The following GPATCH3 variants were observed in gnomAD, a reference collection of about 807,000 sequenced individuals.
The protein encoded by GPATCH3 is G-patch domain containing 3, also known as G patch domain-containing protein 3.
A neutral mutation model predicts 53.2 loss-of-function variants in GPATCH3; 45 were observed. The ratio of observed to expected loss-of-function variants is 0.85; its 90% confidence interval spans 0.67 to 1.08. The LOEUF is 1.08. GPATCH3 is among the 50% of genes least tolerant of loss of function. GPATCH3 has a pLI of 0.00. For missense variants in GPATCH3, 680 were observed against 687.2 expected, an observed-to-expected ratio of 0.99 and a Z score of 0.12; for synonymous variants, 280 against 270.6, an observed-to-expected ratio of 1.03 and a Z score of -0.34.
In GPATCH3 at chr1:26,900,347, A is replaced by G. The variant is rs775423394; in HGVS notation, c.96T>C (p.Tyr32=). Residue 32 remains tyrosine (Y), a synonymous_variant, in exon 1 of 7, where the codon TAT becomes TAC. Transcript: ENST00000361720. ...SVLRSAHLRS[Y]FSQFREERGG... Reference sequence around the variant, plus strand: ...CGCGCTCTTCTCGGAACTGGCTAAAATAGCTCCGTAAATGGGCCGAGCGCA... The same window carrying G: ...CGCGCTCTTCTCGGAACTGGCTAAAGTAGCTCCGTAAATGGGCCGAGCGCA... 1.5e-5 allele frequency: 24 copies of G among 1,613,956 alleles called. No individual in the cohort carries two copies. The Admixed American group carries it at 2.0e-4, about 13-fold the overall frequency.
Position 26,897,498 on chromosome 1 carries a change from C to T in GPATCH3, c.679G>A (p.Gly227Ser). The T allele has an allele frequency of 6.2e-7, 1 of 1,614,222 alleles. No individual in the cohort carries two copies. Among genetic ancestry groups the T allele is most frequent in the Non-Finnish European group, 8.5e-7 (1 of 1,180,048 alleles). Residue 227 changes from glycine (G) to serine (S), a missense_variant, in exon 2 of 7, where the codon GGT (glycine) becomes AGT (serine). Coordinates refer to ENST00000361720, the MANE Select transcript of GPATCH3 (RefSeq NM_022078.3). ...ACATTGCCGTAGCGCCGGGAGGAAC[C>T]TGTCTTGGGGAACTGGAGCTGCAGC... is the stretch of plus-strand genomic sequence containing the variant. ...TQLQLQFPKT[G>S]SSRRYGNVPF...
chr1:26,892,747 C>G lies in GPATCH3; in HGVS notation c.1156G>C (p.Glu386Gln), dbSNP rs1260155365. The part of the protein sequence containing the change: ...DARDSVQMRL[E>Q]QRLRDGQEDG... ...TCCTGTCCATCTCGGAGTCTCTGTT[C>G]CAGACGCATTTGGACAGAGTCTCGG... Residue 386 changes from glutamate to glutamine, a missense_variant, in exon 5 of 7, where the codon GAA becomes CAA. Transcript: ENST00000361720. 6.2e-7 allele frequency: 1 copy of G among 1,614,070 alleles called. No homozygotes were observed. The highest frequency in any genetic ancestry group is 8.5e-7 in the Non-Finnish European group (1 of 1,180,040).
chr1:26,899,988 T>G lies in GPATCH3; in HGVS notation c.451+4A>C, dbSNP rs776768955. On this transcript the variant is annotated splice_donor_region_variant and intron_variant, in intron 1 of 6. Transcript: ENST00000361720. ...GCCCAGTCTATTAACTTTCTCACTC[T>G]TACCTGATGCCTCCGTAGGTAGCCG... is the stretch of plus-strand genomic sequence containing the variant. The G allele has an allele frequency of 1.9e-6, 3 of 1,613,824 alleles. No individual in the cohort carries two copies. The highest frequency in any genetic ancestry group is 2.7e-5 in the African/African-American group (2 of 74,938).
intron 2 of GPATCH3, among the ~76,000 whole-genome samples, chr1:26,894,931 C>T (rs1260522567): frequency 6.6e-6 from 1 of 152,124 alleles, no homozygotes; most frequent in African/African-American, 2.4e-5. Context: ...GAGATAAGTA[C>T]CATTATTCCC....
chr1:26,899,333 G>T (rs1171216066), intron 1 of GPATCH3, among the ~76,000 whole-genome samples: 1 of 151,560 alleles, frequency 6.6e-6, no homozygotes, highest in Non-Finnish European at 1.5e-5. Context: ...ACTGTTGAGA[G>T]GGGTAAGAAA....
Position 26,891,250 on chromosome 1 carries a change from G to A in GPATCH3, c.1362-24C>T, listed in dbSNP as rs536569390. 3.3e-4 allele frequency: 527 copies of A among 1,581,244 alleles called. 8 individuals are homozygous for A. In the South Asian group the frequency reaches 5.4e-3, roughly 16 times the overall value. On this transcript the variant is annotated intron_variant, in intron 6 of 6. Coordinates refer to ENST00000361720, the MANE Select transcript of GPATCH3 (RefSeq NM_022078.3). Reference sequence around the variant, plus strand: ...ACCTGGATAAAAACGGGCTCTCAGTGAGAAGGCTGCTCTCAAACTCCAGTT... The same window carrying A: ...ACCTGGATAAAAACGGGCTCTCAGTAAGAAGGCTGCTCTCAAACTCCAGTT...
chr1:26,891,002 C>G lies in GPATCH3; in HGVS notation c.*8G>C. ...TCATGTAGCTATGAAAGGAAGCCCC[C>G]AACCCGGTCAGTCAGGCAATGAGGG... On this transcript the variant is annotated 3_prime_UTR_variant, in exon 7 of 7. Coordinates refer to ENST00000361720, the MANE Select transcript of GPATCH3 (RefSeq NM_022078.3). The G allele has an allele frequency of 6.2e-7, 1 of 1,612,938 alleles. No individual in the cohort carries two copies. Among genetic ancestry groups the G allele is most frequent in the South Asian group, 1.1e-5 (1 of 91,032 alleles).
chr1:26,892,336 A>G, intron 6 of GPATCH3, 75 bp downstream of exon 6: 1 of 1,558,012 alleles, frequency 6.4e-7, no homozygotes, highest in Admixed American at 1.7e-5. Flanking sequence ...GCCATGCCAA[A>G]ACCAGTGGGA....
rs547127931 is a variant in GPATCH3, at chr1:26,891,133, T to C, written c.1455A>G (p.Leu485=). 17 of 1,614,006 alleles carry C rather than the reference T, an allele frequency of 1.1e-5. No homozygotes were observed. Among genetic ancestry groups the C allele is most frequent in the Non-Finnish European group, 1.4e-5 (17 of 1,180,010 alleles). Residue 485 remains leucine (L), a synonymous_variant, in exon 7 of 7, where the codon CTA becomes CTG. Transcript: ENST00000361720. ...GCAGTGACTCCGTCTGGTCTTGGGG[T>C]AGAGGCTCATCATAGATGGTGGAGA... is the stretch of plus-strand genomic sequence containing the variant. ...GLISTIYDEP[L]PQDQTESLLR... is the part of the protein sequence containing the mutation.
At chr1:26,892,107 T>A (rs1298697471) in intron 6 of GPATCH3, among the ~76,000 whole-genome samples, 3 of 151,884 alleles carry the variant, frequency 2.0e-5, no homozygotes. Flanking sequence ...CCTCCCAAAG[T>A]GTTGGGATTA....
chr1:26,893,317 G>T, intron 4 of GPATCH3, 72 bp downstream of exon 4: 2 of 1,193,702 alleles, frequency 1.7e-6, no homozygotes, highest in Non-Finnish European at 2.5e-6. Context: ...GCCTTTGCTA[G>T]CTCTGGTAAA....
intron 2 of GPATCH3, among the ~76,000 whole-genome samples, 187 bp downstream of exon 2, chr1:26,897,113 AC>A (rs1287340484): frequency 1.3e-5 from 2 of 152,200 alleles, no homozygotes; most frequent in African/African-American, 4.8e-5. Context: ...AAAGCTCTGG[AC>A]CATCTCCCTA....
At chr1:26,891,971 T>C (rs1421048428) in intron 6 of GPATCH3, among the ~76,000 whole-genome samples, 1 of 151,690 alleles carries the variant, frequency 6.6e-6, no homozygotes. Flanking sequence ...CCTCCCAAAG[T>C]GCTAGGATTA....
At position 26,890,963 on chromosome 1, in the gene GPATCH3, G is replaced by A. The variant is rs754960489; in HGVS notation, c.*47C>T. 1.3e-6 allele frequency: 2 copies of A among 1,534,730 alleles called. No individual in the cohort carries two copies. The highest frequency in any genetic ancestry group is 1.1e-5 in the South Asian group (1 of 89,352). ...TGCTTCAGTGGTAGATGAGGCCAGG[G>A]CAGAGGGTTTTCATCATGTAGCTAT... On this transcript the variant is annotated 3_prime_UTR_variant, in exon 7 of 7. Transcript: ENST00000361720.
chr1:26,891,509 T>A (rs1376333966), intron 6 of GPATCH3, among the ~76,000 whole-genome samples: 1 of 151,204 alleles, frequency 6.6e-6, no homozygotes, highest in African/African-American at 2.4e-5. Flanking sequence ...GCCTTAGGGC[T>A]TACTCTTTAA....
chr1:26,891,594 T>C (rs974006290), intron 6 of GPATCH3, among the ~76,000 whole-genome samples: 4 of 152,134 alleles, frequency 2.6e-5, no homozygotes, highest in African/African-American at 9.7e-5. Context: ...TCACCCAGGC[T>C]GGATTGTAAT....
At chr1:26,893,010 C>A in intron 4 of GPATCH3, 1 of 592,286 alleles carries the variant, frequency 1.7e-6, no homozygotes, top group East Asian at 2.9e-5. Context: ...CAACAAATGA[C>A]AGAGAGAGGA....
At chr1:26,896,570 C>T (rs1313111128) in intron 2 of GPATCH3, among the ~76,000 whole-genome samples, 1 of 148,742 alleles carries the variant, frequency 6.7e-6, no homozygotes, top group Non-Finnish European at 1.5e-5. Context: ...CGTGGTGGCA[C>T]ATGCCTGAAG....
intron 3 of GPATCH3, among the ~76,000 whole-genome samples, chr1:26,893,710 G>A (rs1040078191): frequency 2.0e-5 from 3 of 151,854 alleles, no homozygotes; most frequent in Admixed American, 1.3e-4. Context: ...TCATAGAGAC[G>A]AGGTTTCACC....
Sources: gnomAD v4.1 joint callset for allele counts (sites outside exome capture counted in the v4.1 genomes callset) on GRCh38, gnomAD v4.1.1 for gene constraint, MANE v1.5 for transcripts, NCBI Gene and HGNC (gene_info 2026-07-23, HGNC 2026-07-21) for gene names.